SRBD1: variants seen among roughly 807,000 people sequenced by gnomAD.
SRBD1 encodes S1 RNA binding domain 1, also known as S1 RNA-binding domain-containing protein 1.
A neutral mutation model predicts 115.3 loss-of-function variants in SRBD1; 88 were observed. The ratio of observed to expected loss-of-function variants is 0.76; its 90% CI spans 0.64 to 0.91. The LOEUF is 0.91. SRBD1 is among the 40% of genes least tolerant of loss of function. The pLI is 0.00. For synonymous variants in SRBD1, 509 were observed against 407.7 expected (o/e 1.25, Z -2.99); for missense variants, 1,385 against 1,177.4 (o/e 1.18, Z -2.58).
At chr2:45,554,620 T>C (rs528570353) in intron 10 of SRBD1, among the ~76,000 whole-genome samples, 19 of 152,234 alleles carry the variant, frequency 1.2e-4, no homozygotes, top group African/African-American at 4.3e-4. Flanking sequence ...GGGGAAAGAA[T>C]AGAAGAGAAA....
chr2:45,503,329 A>C (rs1217427367), intron 14 of SRBD1, among the ~76,000 whole-genome samples: 1 of 152,188 alleles, frequency 6.6e-6, no homozygotes, highest in East Asian at 1.9e-4. Context: ...TGGAGTGTTC[A>C]TACTAAAGAA....
At chr2:45,502,696 G>C (rs1426216394) in intron 14 of SRBD1, among the ~76,000 whole-genome samples, 1 of 151,916 alleles carries the variant, frequency 6.6e-6, no homozygotes, top group Non-Finnish European at 1.5e-5. Flanking sequence ...TGGGGGGAAG[G>C]GGGAGGGATA....
chr2:45,434,874 A>G (rs1668442337), intron 16 of SRBD1, among the ~76,000 whole-genome samples: 1 of 150,436 alleles, frequency 6.6e-6, no homozygotes, highest in Non-Finnish European at 1.5e-5. Context: ...GCACCCATTC[A>G]CTCGTCATTT....
chr2:45,596,715 A>G (rs1401014574), intron 4 of SRBD1, among the ~76,000 whole-genome samples: 1 of 152,206 alleles, frequency 6.6e-6, no homozygotes, highest in African/African-American at 2.4e-5. Context: ...CAAGTCATCT[A>G]TAAATAAATG....
chr2:45,547,794 A>G (rs955804637), intron 12 of SRBD1, among the ~76,000 whole-genome samples, 182 bp from the exon 13 acceptor site: 7 of 152,190 alleles, frequency 4.6e-5, no homozygotes, highest in Non-Finnish European at 1.0e-4. Flanking sequence ...GCTCTTTCCA[A>G]TTTCACAGGA....
intron 18 of SRBD1, among the ~76,000 whole-genome samples, chr2:45,414,961 C>T (rs1667768847): frequency 1.0e-5 from 1 of 99,608 alleles, no homozygotes; most frequent in Non-Finnish European, 2.0e-5. Context: ...CATACACACA[C>T]ATATAGTGTG....
chr2:45,442,134 G>A (rs907882573), intron 16 of SRBD1, among the ~76,000 whole-genome samples: 40 of 152,116 alleles, frequency 2.6e-4, no homozygotes, highest in Non-Finnish European at 5.1e-4. Context: ...ATTTAGAACC[G>A]GTATGCAAAG....
At chr2:45,586,407 C>T (rs1011314893) in intron 4 of SRBD1, among the ~76,000 whole-genome samples, 2 of 152,014 alleles carry the variant, frequency 1.3e-5, no homozygotes, top group African/African-American at 4.8e-5. Context: ...TCTATATGAA[C>T]TAATATGAAA....
At chr2:45,574,765 TAC>T in intron 7 of SRBD1, 42 bp from the exon 8 acceptor site, 1 of 1,508,804 alleles carries the variant, frequency 6.6e-7, no homozygotes, top group Non-Finnish European at 9.0e-7. Flanking sequence ...ACAAAAAGTA[TAC>T]GATTGGTTTT....
At chr2:45,415,046 GTATA>G (rs1358017488) in intron 18 of SRBD1, among the ~76,000 whole-genome samples, 1 of 38,834 alleles carries the variant, frequency 2.6e-5, no homozygotes, top group South Asian at 1.1e-3. Context: ...TATATAGTAT[GTATA>G]TACACACATA....
intron 14 of SRBD1, among the ~76,000 whole-genome samples, chr2:45,526,295 A>G (rs1355902556): frequency 2.0e-5 from 3 of 152,116 alleles, no homozygotes; most frequent in African/African-American, 7.2e-5. Flanking sequence ...GTTCTGATAC[A>G]TGCTATGACA....
intron 15 of SRBD1, among the ~76,000 whole-genome samples, chr2:45,487,614 C>G (rs1670159326): frequency 6.6e-6 from 1 of 151,894 alleles, no homozygotes; most frequent in African/African-American, 2.4e-5. Context: ...TATTTTGTAA[C>G]AATAATAAAA....
At chr2:45,508,137 T>C (rs1670853636) in intron 14 of SRBD1, among the ~76,000 whole-genome samples, 1 of 152,176 alleles carries the variant, frequency 6.6e-6, no homozygotes, top group South Asian at 2.1e-4. Context: ...TTTAAATGTA[T>C]ATATTCTTGA....
At chr2:45,608,769 A>G (rs1674350762) in intron 1 of SRBD1, among the ~76,000 whole-genome samples, 1 of 151,812 alleles carries the variant, frequency 6.6e-6, no homozygotes, top group Non-Finnish European at 1.5e-5. Context: ...AGTCCTTCCC[A>G]TCTCAATAAG....
chr2:45,409,086 G>A (rs1667520239), intron 19 of SRBD1, among the ~76,000 whole-genome samples: 1 of 152,052 alleles, frequency 6.6e-6, no homozygotes, highest in African/African-American at 2.4e-5. Flanking sequence ...GGGCATGGTG[G>A]CACAGCACAT....
At chr2:45,498,464 T>A (rs1449537832) in intron 14 of SRBD1, among the ~76,000 whole-genome samples, 1 of 152,220 alleles carries the variant, frequency 6.6e-6, no homozygotes, top group Non-Finnish European at 1.5e-5. Flanking sequence ...GATAATTTGA[T>A]ATCTGTATAT....
intron 14 of SRBD1, among the ~76,000 whole-genome samples, chr2:45,498,722 C>G (rs1670536354): frequency 6.6e-6 from 1 of 152,050 alleles, no homozygotes; most frequent in Non-Finnish European, 1.5e-5. Flanking sequence ...TTTTTGTCTC[C>G]CATATGAGTG....
At chr2:45,482,851 A>G (rs761550918) in intron 15 of SRBD1, among the ~76,000 whole-genome samples, 1 of 152,104 alleles carries the variant, frequency 6.6e-6, no homozygotes, top group Admixed American at 6.6e-5. Context: ...TAGAACCTAC[A>G]CATACCCTGC....
intron 11 of SRBD1, among the ~76,000 whole-genome samples, chr2:45,552,940 T>C (rs75679186): frequency 6.6e-6 from 1 of 152,182 alleles, no homozygotes; most frequent in Non-Finnish European, 1.5e-5. Flanking sequence ...AAACTACAGT[T>C]TTCAAGTAGC....
Sources: gnomAD v4.1 joint callset for allele counts (sites outside exome capture counted in the v4.1 genomes callset) on GRCh38, gnomAD v4.1.1 for gene constraint, MANE v1.5 for transcripts, NCBI Gene and HGNC (gene_info 2026-07-23, HGNC 2026-07-21) for gene names.